The following PSME4 variants were observed in gnomAD, a reference collection of about 807,000 sequenced individuals.
PSME4 encodes the protein proteasome activator subunit 4.
In PSME4, 89 loss-of-function variants were observed where a neutral mutation model predicts 253.9. That is an observed-to-expected ratio of 0.35 (90% CI 0.30 to 0.42). PSME4 has a LOEUF of 0.42. Among genes scored for constraint, PSME4 ranks in the 10% least tolerant of loss-of-function variants. The probability of loss-of-function intolerance (pLI) is 1.00; values close to 1 mark genes in which losing one functional copy is unlikely to be tolerated. For synonymous variants in PSME4, 851 were observed against 759.2 expected, an observed-to-expected ratio of 1.12 and a Z score of -1.99; for missense variants, 2,014 against 2,195.2, an observed-to-expected ratio of 0.92 and a Z score of 1.65.
At chr2:53,969,796 A>T (rs998493773) in intron 1 of PSME4, among the ~76,000 whole-genome samples, 1 of 152,026 alleles carries the variant, frequency 6.6e-6, no homozygotes, top group African/African-American at 2.4e-5. Flanking sequence ...TAACTCAAAA[A>T]ATTAACACAA....
chr2:53,903,813 TCATAC>T (rs1680521559), intron 27 of PSME4, among the ~76,000 whole-genome samples: 1 of 152,110 alleles, frequency 6.6e-6, no homozygotes, highest in African/African-American at 2.4e-5. Context: ...GAAACAAAGA[TCATAC>T]CTGTTTAAAG....
At chr2:53,896,743 G>C (rs1015946106) in intron 32 of PSME4, 61 bp downstream of exon 32, 4 of 1,312,104 alleles carry the variant, frequency 3.0e-6, no homozygotes, top group Non-Finnish European at 4.4e-6. Context: ...ATTTATACAT[G>C]TCAAGAAAAT....
At chr2:53,880,636 G>A (rs995273225) in intron 41 of PSME4, among the ~76,000 whole-genome samples, 1 of 152,166 alleles carries the variant, frequency 6.6e-6, no homozygotes, top group African/African-American at 2.4e-5. Flanking sequence ...ATGATATACT[G>A]AGTTAAAAAC....
chr2:53,906,798 A>T lies in PSME4; in HGVS notation c.2847+8T>A. The stretch of plus-strand genomic sequence containing the variant: ...TAAAAAGTCACTATGACTGAAAAAC[A>T]TATTTACCTCATGCTGTAACATTAC... On this transcript the variant is annotated splice_region_variant and intron_variant, in intron 25 of 46. Transcript: ENST00000404125. 1 of 1,612,336 alleles carries T rather than the reference A, an allele frequency of 6.2e-7. No individual in the cohort carries two copies. Among genetic ancestry groups the T allele is most frequent in the East Asian group, 2.2e-5 (1 of 44,848 alleles).
chr2:53,925,759 T>A, intron 13 of PSME4, 70 bp from the exon 14 acceptor site: 2 of 1,451,308 alleles, frequency 1.4e-6, no homozygotes, highest in Non-Finnish European at 1.9e-6. Context: ...GGTCATCAGG[T>A]AACTCTCTAT....
chr2:53,888,605 G>A (rs1224447935), intron 38 of PSME4, 116 bp downstream of exon 38: 27 of 657,728 alleles, frequency 4.1e-5, no homozygotes, highest in South Asian at 3.4e-4. Flanking sequence ...TCACCTTCCA[G>A]AAGAAAGTAA....
intron 1 of PSME4, among the ~76,000 whole-genome samples, chr2:53,967,679 A>AAAAAG (rs1670808609): frequency 7.1e-6 from 1 of 139,944 alleles, no homozygotes. Context: ...AAAAAAAAAA[A>AAAAAG]GTCAAAAAGA....
At chr2:53,965,898 T>A (rs1670710190) in intron 1 of PSME4, among the ~76,000 whole-genome samples, 1 of 151,678 alleles carries the variant, frequency 6.6e-6, no homozygotes, top group Non-Finnish European at 1.5e-5. Context: ...GGTCTCGAAC[T>A]CCTGACCTTG....
At chr2:53,880,197 C>T (rs1020170775) in intron 41 of PSME4, among the ~76,000 whole-genome samples, 1 of 152,106 alleles carries the variant, frequency 6.6e-6, no homozygotes, top group Non-Finnish European at 1.5e-5. Context: ...TGGCTTATGC[C>T]CATCATCCTA....
At chr2:53,950,859 A>G (rs1463149938) in intron 1 of PSME4, among the ~76,000 whole-genome samples, 1 of 149,956 alleles carries the variant, frequency 6.7e-6, no homozygotes, top group African/African-American at 2.4e-5. Flanking sequence ...AAAAAAAAAG[A>G]AAAGAAAAAG....
intron 32 of PSME4, 109 bp from the exon 33 acceptor site, chr2:53,895,845 T>G: frequency 2.0e-6 from 2 of 1,004,938 alleles, no homozygotes; most frequent in Non-Finnish European, 2.9e-6. Flanking sequence ...AAAACAACAC[T>G]ACAAAAATAA....
intron 21 of PSME4, among the ~76,000 whole-genome samples, chr2:53,909,592 C>T (rs1226144317): frequency 6.6e-6 from 1 of 152,006 alleles, no homozygotes; most frequent in Non-Finnish European, 1.5e-5. Context: ...CCAGAAAAGG[C>T]AAAAATGACT....
chr2:53,940,738 TA>T (rs1669352121), intron 3 of PSME4, among the ~76,000 whole-genome samples: 1 of 150,284 alleles, frequency 6.7e-6, no homozygotes, highest in Non-Finnish European at 1.5e-5. Flanking sequence ...AAACAAACAA[TA>T]TAAACAATGG....
chr2:53,898,446 T>A (rs1680241929), intron 29 of PSME4, 92 bp from the exon 30 acceptor site: 4 of 1,016,020 alleles, frequency 3.9e-6, no homozygotes, highest in Middle Eastern at 6.4e-4. Context: ...AATTTCACCC[T>A]CCTTCCCCAC....
intron 14 of PSME4, among the ~76,000 whole-genome samples, chr2:53,924,260 G>A (rs1573301523): frequency 6.6e-6 from 1 of 152,146 alleles, no homozygotes; most frequent in Non-Finnish European, 1.5e-5. Context: ...AATAAGAGAT[G>A]ATTTGTGTTC....
intron 43 of PSME4, among the ~76,000 whole-genome samples, chr2:53,871,274 T>C (rs1678861577): frequency 6.6e-6 from 1 of 151,954 alleles, no homozygotes; most frequent in Non-Finnish European, 1.5e-5. Flanking sequence ...TTTTTTGAGA[T>C]GGAGTCTCGC....
chr2:53,916,001 G>C (rs1668044372), intron 20 of PSME4, among the ~76,000 whole-genome samples: 1 of 152,116 alleles, frequency 6.6e-6, no homozygotes, highest in Non-Finnish European at 1.5e-5. Flanking sequence ...CTTGAACCCG[G>C]AAGGCAGAGG....
intron 1 of PSME4, among the ~76,000 whole-genome samples, chr2:53,970,115 G>A (rs963658822): frequency 6.6e-6 from 1 of 152,164 alleles, no homozygotes; most frequent in Non-Finnish European, 1.5e-5. Flanking sequence ...GGGGAAGGAA[G>A]AACCGGAGGA....
At position 53,865,483 on chromosome 2, in the gene PSME4, G is replaced by T. The variant is rs925237920; in HGVS notation, c.*95C>A. The T allele has an allele frequency of 6.6e-6, 1 of 152,212 alleles. No homozygotes were observed. Among genetic ancestry groups the T allele is most frequent in the Non-Finnish European group, 1.5e-5 (1 of 68,062 alleles). 9.4% of individuals were successfully genotyped at this position (152,212 alleles called of 1,614,324 possible). A position where few individuals can be genotyped will look rare whatever the true frequency, so the allele number is the denominator to read the frequency against. ...ACCAAAATGATGAGAGCTCAGCAGAGGCAGTTTTAAAACTTGCAGAGAGCC... is the reference window on the plus strand; with the variant it reads ...ACCAAAATGATGAGAGCTCAGCAGATGCAGTTTTAAAACTTGCAGAGAGCC... On this transcript the variant is annotated 3_prime_UTR_variant, in exon 47 of 47. Coordinates refer to ENST00000404125, the MANE Select transcript of PSME4 (RefSeq NM_014614.3).
Sources: gnomAD v4.1 joint callset for allele counts (sites outside exome capture counted in the v4.1 genomes callset) on GRCh38, gnomAD v4.1.1 for gene constraint, MANE v1.5 for transcripts, NCBI Gene and HGNC (gene_info 2026-07-23, HGNC 2026-07-21) for gene names.